Variants in CERCAM observed in about 807,000 individuals in gnomAD.
The protein encoded by CERCAM is cerebral endothelial cell adhesion molecule, also known as inactive glycosyltransferase 25 family member 3.
In CERCAM, 59 loss-of-function variants were observed where a neutral mutation model predicts 66.0. The ratio of observed to expected loss-of-function variants is 0.89; its 90% confidence interval spans 0.73 to 1.11. CERCAM has a LOEUF of 1.11. Among genes scored for constraint, CERCAM ranks in the 50% most tolerant of loss-of-function variants. CERCAM has a pLI of 0.00. For synonymous variants in CERCAM, 318 were observed against 343.6 expected (o/e 0.93, Z 0.83); for missense variants, 840 against 828.3 (o/e 1.01, Z -0.17).
intron 7 of CERCAM, 38 bp downstream of exon 7, chr9:128,428,871 G>A: frequency 6.2e-7 from 1 of 1,607,162 alleles, no homozygotes; most frequent in Non-Finnish European, 8.5e-7. Context: ...GTTAGGAGGT[G>A]GATGGGCCCT....
chr9:128,424,835 C>A (rs1245650432), intron 5 of CERCAM, among the ~76,000 whole-genome samples: 3 of 150,078 alleles, frequency 2.0e-5, no homozygotes, highest in Admixed American at 1.3e-4. Flanking sequence ...TGATTTCCTG[C>A]CTCAGCTTCC....
chr9:128,435,204 C>T (rs1834079172), intron 11 of CERCAM, among the ~76,000 whole-genome samples: 1 of 152,084 alleles, frequency 6.6e-6, no homozygotes, highest in South Asian at 2.1e-4. Context: ...CCATGTTGGC[C>T]AGGCTGGTGT....
In CERCAM at chr9:128,423,305, G is replaced by C. The variant is rs749590625; in HGVS notation, c.426+42G>C. 5 of 1,512,968 alleles carry C rather than the reference G, an allele frequency of 3.3e-6. No individual in the cohort carries two copies. The South Asian group carries it at 4.5e-5, about 14-fold the overall frequency. The allele number at this position is 1,512,968 out of a possible 1,614,324, so 93.7% of individuals were successfully genotyped here. On this transcript the variant is annotated intron_variant, in intron 3 of 12. Transcript: ENST00000372838. ...AGAATCGGGCTTCTGAAAGGCGGTA[G>C]TATCCGTCCCTGATAGAAATCTGGG...
At chr9:128,421,451 C>G in intron 1 of CERCAM, 1 of 1,011,936 alleles carries the variant, frequency 9.9e-7, no homozygotes, top group Non-Finnish European at 1.2e-6. Context: ...ACAGGAACCT[C>G]TGAAGTCCAC....
chr9:128,435,148 C>T (rs953829295), intron 11 of CERCAM, among the ~76,000 whole-genome samples: 2 of 152,118 alleles, frequency 1.3e-5, no homozygotes, highest in African/African-American at 4.8e-5. Context: ...TGCCTGCCAC[C>T]ACACCAAGCT....
chr9:128,425,900 C>A (rs1222788690), intron 5 of CERCAM, among the ~76,000 whole-genome samples: 10 of 146,072 alleles, frequency 6.8e-5, no homozygotes, highest in African/African-American at 2.5e-4. Flanking sequence ...CAGCTCACTA[C>A]AGTGTTGACC....
At chr9:128,436,003 G>A (rs947697877) in intron 12 of CERCAM, 98 bp downstream of exon 12, 72 of 1,263,348 alleles carry the variant, frequency 5.7e-5, no homozygotes, top group Non-Finnish European at 7.4e-5. Flanking sequence ...CCCCTTCTCA[G>A]CCTTCTCTCT....
At chr9:128,423,782 C>T (rs576511918) in intron 3 of CERCAM, among the ~76,000 whole-genome samples, 3 of 152,236 alleles carry the variant, frequency 2.0e-5, no homozygotes, top group East Asian at 1.9e-4. Context: ...AGATAGATCC[C>T]GTTGTATACA....
Position 128,434,172 on chromosome 9 carries a change from G to T in CERCAM, c.1274G>T (p.Gly425Val). The change falls in exon 10 of 13, where the codon GGG (glycine) becomes GTG (valine). Residue 425 changes from glycine (G) to valine (V), a missense_variant. Transcript: ENST00000372838. The surrounding 1 kb of genome is among the most constrained non-coding windows in gnomAD (Gnocchi z 4.5). ...DDVRFESNFR[G>V]RLERLMEDVE... Reference sequence around the variant, plus strand: ...GTGCGCTTTGAGAGCAACTTCAGGGGGCGGCTGGAGCGGCTGATGGAGGAT... The same window carrying T: ...GTGCGCTTTGAGAGCAACTTCAGGGTGCGGCTGGAGCGGCTGATGGAGGAT... The T allele has an allele frequency of 1.9e-6, 3 of 1,614,194 alleles. No individual in the cohort carries two copies. In the Middle Eastern group the frequency reaches 4.9e-4, roughly 266 times the overall value.
chr9:128,432,606 A>C (rs1383048773), intron 9 of CERCAM, among the ~76,000 whole-genome samples: 1 of 150,650 alleles, frequency 6.6e-6, no homozygotes, highest in African/African-American at 2.4e-5. Flanking sequence ...GGCTGATCTC[A>C]AACTCCTGAG....
At chr9:128,422,836 GC>G in intron 1 of CERCAM, 31 bp from the exon 2 acceptor site, 1 of 1,611,060 alleles carries the variant, frequency 6.2e-7, no homozygotes. Context: ...CTGTGGCTGT[GC>G]CCCCTCAGCC....
chr9:128,436,323 C>T (rs1410682843), intron 12 of CERCAM, among the ~76,000 whole-genome samples: 1 of 152,204 alleles, frequency 6.6e-6, no homozygotes, highest in Non-Finnish European at 1.5e-5. Context: ...TCACTGCAAC[C>T]TCTGCCTCCC....
chr9:128,424,207 G>A lies in CERCAM; in HGVS notation c.496G>A (p.Val166Met). The A allele has an allele frequency of 6.2e-7, 1 of 1,614,118 alleles. No homozygotes were observed. The highest frequency in any genetic ancestry group is 8.5e-7 in the Non-Finnish European group (1 of 1,179,996). Reference protein sequence around the residue: ...LRLLMGQGLPVVAPMLDSQTY... With the variant: ...LRLLMGQGLPMVAPMLDSQTY... ...GCTTCTCATGGGGCAGGGGCTTCCA[G>A]TGGTGGCCCCAATGCTGGACTCCCA... Residue 166 changes from valine to methionine, a missense_variant, in exon 4 of 13, where the codon GTG (valine) becomes ATG (methionine). Transcript: ENST00000372838.
chr9:128,432,877 G>T (rs190257306), intron 9 of CERCAM, among the ~76,000 whole-genome samples: 180 of 151,952 alleles, frequency 1.2e-3, no homozygotes, highest in Middle Eastern at 6.8e-3. Context: ...GCCAGGTGCG[G>T]TGGCTCACGC....
intron 3 of CERCAM, 89 bp downstream of exon 3, chr9:128,423,352 C>G: frequency 9.1e-7 from 1 of 1,094,134 alleles, no homozygotes; most frequent in Admixed American, 1.9e-5. Flanking sequence ...TGCAGTGGCT[C>G]ACGCCTATAA....
At chr9:128,422,350 C>T (rs1211953897) in intron 1 of CERCAM, 1 of 152,916 alleles carries the variant, frequency 6.5e-6, no homozygotes, top group African/African-American at 2.4e-5. Context: ...GGCAGATCAC[C>T]TGAGGTGAGG....
chr9:128,436,605 C>G (rs952173115), intron 12 of CERCAM, among the ~76,000 whole-genome samples: 2 of 152,112 alleles, frequency 1.3e-5, no homozygotes, highest in Admixed American at 1.3e-4. Flanking sequence ...GTTTTCAACT[C>G]CTGACCTCAA....
At position 128,423,249 on chromosome 9, in the gene CERCAM, G is replaced by A. The variant is rs541497554; in HGVS notation, c.412G>A (p.Ala138Thr). The part of the protein sequence containing the change: ...EALTFARNWG[A>T]DYILFADTDN... The stretch of plus-strand genomic sequence containing the variant: ...CCTCACCTTTGCCAGGAACTGGGGG[G>A]CCGACTATATCCTGGTGAGGAAGTC... Residue 138 changes from alanine (A) to threonine (T), a missense_variant, in exon 3 of 13, where the codon GCC (alanine) becomes ACC (threonine). Transcript: ENST00000372838. The A allele has an allele frequency of 1.3e-5, 21 of 1,613,446 alleles. No homozygotes were observed. Among genetic ancestry groups the A allele is most frequent in the Admixed American group, 3.3e-5 (2 of 59,974 alleles).
chr9:128,435,246 C>G (rs919762862), intron 11 of CERCAM, among the ~76,000 whole-genome samples: 3 of 152,142 alleles, frequency 2.0e-5, no homozygotes, highest in African/African-American at 7.2e-5. Context: ...ATCTGCCTGC[C>G]TGGGCCTCCC....
Sources: gnomAD v4.1 joint callset for allele counts (sites outside exome capture counted in the v4.1 genomes callset) on GRCh38, gnomAD v4.1.1 for gene constraint, Gnocchi (gnomAD v3.1) non-coding constraint, MANE v1.5 for transcripts, NCBI Gene and HGNC (gene_info 2026-07-23, HGNC 2026-07-21) for gene names.